PPFIBP2: variants seen among roughly 807,000 people sequenced by gnomAD.
The protein encoded by PPFIBP2 is liprin-beta-2.
A neutral mutation model predicts 118.3 loss-of-function variants in PPFIBP2; 118 were observed. The ratio of observed to expected loss-of-function variants is 1.00; its 90% CI spans 0.86 to 1.16. The LOEUF (loss-of-function observed/expected upper bound fraction) is 1.16. Ranked by LOEUF, PPFIBP2 falls within the 50% of genes most tolerant of loss-of-function variation. The probability of loss-of-function intolerance (pLI) is 0.00; values close to 1 mark genes in which losing one functional copy is unlikely to be tolerated. For missense variants in PPFIBP2, 1,195 were observed against 1,073.1 expected, an observed-to-expected ratio of 1.11 and a Z score of -1.59; for synonymous variants, 414 against 397.4, an observed-to-expected ratio of 1.04 and a Z score of -0.50.
downstream of PPFIBP2, among the ~76,000 whole-genome samples, chr11:7,657,851 G>A (rs142168238): frequency 5.3e-5 from 8 of 152,266 alleles, no homozygotes; most frequent in Non-Finnish European, 7.4e-5. Context: ...GTTTCTTGTC[G>A]TCTTACCATA....
chr11:7,581,840 GA>G (rs1490499439), intron 3 of PPFIBP2, among the ~76,000 whole-genome samples: 1 of 150,504 alleles, frequency 6.6e-6, no homozygotes, highest in Admixed American at 6.6e-5. Context: ...TAGATAGATA[GA>G]TTTTTTTTTT....
chr11:7,593,652 A>G (rs2135256491), intron 4 of PPFIBP2, among the ~76,000 whole-genome samples: 1 of 152,320 alleles, frequency 6.6e-6, no homozygotes, highest in East Asian at 1.9e-4. Context: ...ATCAAGTCCA[A>G]ATTGTCTGAA....
chr11:7,549,408 A>G, intron 1 of PPFIBP2, 32 bp from the exon 2 acceptor site: 1 of 1,539,772 alleles, frequency 6.5e-7, no homozygotes. Flanking sequence ...ACTCTCTGTA[A>G]TTTTTCCTTT....
intron 3 of PPFIBP2, among the ~76,000 whole-genome samples, chr11:7,578,020 G>A (rs144058578): frequency 6.6e-6 from 1 of 152,176 alleles, no homozygotes; most frequent in African/African-American, 2.4e-5. Flanking sequence ...CATTGGATTC[G>A]GAAGTTGTTT....
intron 4 of PPFIBP2, among the ~76,000 whole-genome samples, chr11:7,596,361 A>G (rs1365365238): frequency 1.3e-5 from 2 of 150,212 alleles, no homozygotes; most frequent in Non-Finnish European, 1.5e-5. Context: ...TGTAAGGTGG[A>G]CCAAGTTGAT....
chr11:7,665,395 C>G, the PPFIBP2 span: 1 of 1,588,796 alleles, frequency 6.3e-7, no homozygotes, highest in Non-Finnish European at 8.6e-7. Flanking sequence ...AAATCATGTC[C>G]TGGGTATAAC....
intron 3 of PPFIBP2, among the ~76,000 whole-genome samples, chr11:7,583,536 T>G (rs1239995161): frequency 6.6e-6 from 1 of 152,218 alleles, no homozygotes; most frequent in Non-Finnish European, 1.5e-5. Flanking sequence ...CTCCTGGCTT[T>G]CACATCCTCT....
At chr11:7,558,615 G>A (rs1353567279) in intron 2 of PPFIBP2, among the ~76,000 whole-genome samples, 2 of 152,040 alleles carry the variant, frequency 1.3e-5, no homozygotes, top group East Asian at 1.9e-4. Flanking sequence ...AATTAGCCAG[G>A]CGTGGTGGCG....
intron 1 of PPFIBP2, among the ~76,000 whole-genome samples, chr11:7,542,554 C>T (rs1044864998): frequency 6.6e-6 from 1 of 152,080 alleles, no homozygotes; most frequent in Non-Finnish European, 1.5e-5. Flanking sequence ...TATTTTTATC[C>T]GTATCTCTAG....
chr11:7,651,494 CCT>C (rs1466408219), intron 22 of PPFIBP2, 160 bp from the exon 23 acceptor site: 2 of 618,374 alleles, frequency 3.2e-6, no homozygotes, highest in African/African-American at 3.7e-5. Flanking sequence ...AGAGCCAGGC[CCT>C]GTGCCAGCCA....
the PPFIBP2 span, chr11:7,666,844 G>T: frequency 3.6e-6 from 1 of 276,730 alleles, no homozygotes. Context: ...GGCCAGGATG[G>T]CTTCACTCGG....
At chr11:7,593,058 C>T (rs751445769) in intron 3 of PPFIBP2, 74 bp from the exon 4 acceptor site, 13 of 1,576,914 alleles carry the variant, frequency 8.2e-6, no homozygotes, top group Non-Finnish European at 1.1e-5. Flanking sequence ...ACATGCATCC[C>T]TTATTTCATT....
At chr11:7,655,120 T>C (rs1012389946), downstream of PPFIBP2, among the ~76,000 whole-genome samples, 2 of 152,176 alleles carry the variant, frequency 1.3e-5, no homozygotes, top group African/African-American at 2.4e-5. Context: ...AGCTGGAACA[T>C]TGAACACGTG....
intron 2 of PPFIBP2, among the ~76,000 whole-genome samples, chr11:7,553,346 G>T (rs1421665451): frequency 6.6e-6 from 1 of 152,174 alleles, no homozygotes; most frequent in Non-Finnish European, 1.5e-5. Flanking sequence ...GAGGTTACTA[G>T]TGAGTATCTG....
At chr11:7,559,157 T>G (rs6578873) in intron 2 of PPFIBP2, among the ~76,000 whole-genome samples, 78,429 of 151,998 alleles carry the variant, frequency 0.52, 21,892 homozygotes, top group African/African-American at 0.74. Context: ...TAAATAGAAT[T>G]CCCCAAAGAG....
chr11:7,603,981 C>G (rs1170385013), intron 5 of PPFIBP2, among the ~76,000 whole-genome samples: 1 of 152,136 alleles, frequency 6.6e-6, no homozygotes, highest in Non-Finnish European at 1.5e-5. Flanking sequence ...TCAACTCCCT[C>G]CCCATATACT....
At chr11:7,577,694 CTTTGGGGTGT>C in intron 3 of PPFIBP2, 2 of 452,440 alleles carry the variant, frequency 4.4e-6, no homozygotes, top group Non-Finnish European at 8.9e-6. Context: ...GGGGGAGACG[CTTTGGGGTGT>C]TTTGGGGTGT....
the PPFIBP2 span, chr11:7,666,131 A>T: frequency 1.6e-6 from 1 of 608,838 alleles, no homozygotes; most frequent in Non-Finnish European, 2.9e-6. Flanking sequence ...GTCAGTGCCC[A>T]TATTAGATGT....
At chr11:7,648,649 G>GA (rs1473864977) in intron 18 of PPFIBP2, 112 bp downstream of exon 18, 1 of 1,507,060 alleles carries the variant, frequency 6.6e-7, no homozygotes, top group Non-Finnish European at 9.1e-7. Context: ...GGAGGAGGCT[G>GA]AGAGTTCCTC....
Sources: allele counts gnomAD v4.1 joint callset (sites outside exome capture counted in the v4.1 genomes callset), GRCh38; gene constraint gnomAD v4.1.1; transcripts MANE v1.5; gene names NCBI Gene and HGNC (gene_info 2026-07-23, HGNC 2026-07-21).